The following PARVG variants were observed in gnomAD, a reference collection of about 807,000 sequenced individuals.
PARVG encodes the protein gamma-parvin.
A neutral mutation model predicts 44.4 loss-of-function variants in PARVG; 36 were observed. That is an observed-to-expected ratio of 0.81 (90% CI 0.62 to 1.07). PARVG has a LOEUF of 1.07. Among genes scored for constraint, PARVG ranks in the 50% least tolerant of loss-of-function variants. The probability of loss-of-function intolerance (pLI) is 0.00; values close to 1 mark genes in which losing one functional copy is unlikely to be tolerated. For missense variants in PARVG, 407 were observed against 407.4 expected (o/e 1.00, Z 0.01); for synonymous variants, 170 against 174.1 (o/e 0.98, Z 0.19).
upstream of PARVG, among the ~76,000 whole-genome samples, chr22:44,178,521 C>A (rs995770490): frequency 2.6e-5 from 4 of 152,128 alleles, no homozygotes; most frequent in African/African-American, 7.2e-5. Flanking sequence ...AAATTCAGCA[C>A]GCGACGACAT....
At chr22:44,177,209 C>T (rs554908781), upstream of PARVG, among the ~76,000 whole-genome samples, 17 of 152,280 alleles carry the variant, frequency 1.1e-4, no homozygotes, top group East Asian at 9.6e-4. Flanking sequence ...TTTCTTTAGA[C>T]GCACACATTT....
chr22:44,181,500 G>A, intron 1 of PARVG: 1 of 725,652 alleles, frequency 1.4e-6, no homozygotes, highest in South Asian at 6.2e-5. Context: ...TGGGTTGCGG[G>A]GGTCGACCCC....
chr22:44,181,408 C>T, intron 1 of PARVG: 1 of 985,244 alleles, frequency 1.0e-6, no homozygotes, highest in Non-Finnish European at 1.2e-6. Flanking sequence ...GAGGAAGGGG[C>T]CTGGCCCGGG....
rs555457580 is a variant in PARVG, at chr22:44,189,151, C to T, written c.285C>T (p.Ile95=). 80 of 1,614,128 alleles carry T rather than the reference C, an allele frequency of 5.0e-5. No individual in the cohort carries two copies. In the East Asian group the frequency reaches 1.3e-3, roughly 27 times the overall value. ...LAALKLEAED[I]ALTATSQKHK... ...CGCTCAAGCTGGAAGCAGAGGACATCGCCCTGACAGCCACAAGCCAGAAGC... is the reference window on the plus strand; with the variant it reads ...CGCTCAAGCTGGAAGCAGAGGACATTGCCCTGACAGCCACAAGCCAGAAGC... The change falls in exon 6 of 14, where the codon ATC becomes ATT. Residue 95 remains isoleucine (I), a synonymous_variant. Coordinates refer to ENST00000444313, the MANE Select transcript of PARVG (RefSeq NM_022141.7).
At chr22:44,191,913 A>G (rs1375959835) in intron 7 of PARVG, 136 bp from the exon 8 acceptor site, 1 of 966,022 alleles carries the variant, frequency 1.0e-6, no homozygotes, top group East Asian at 2.5e-5. Context: ...CAACCTCAAG[A>G]CTCCTGGGGA....
At position 44,182,053 on chromosome 22, in the gene PARVG, C is replaced by CTCAAGGTCCCA; in HGVS notation, c.-13+136_-13+137insTCAAGGTCCCA. Reference sequence around the variant, plus strand: ...GGGGAAGGGAGTCGGTAAAGTGGGACCTTGAGTCCCCACGGCCCCTCCGGC... The same window carrying CTCAAGGTCCCA: ...GGGGAAGGGAGTCGGTAAAGTGGGACTCAAGGTCCCACTTGAGTCCCCACGGCCCCTCCGGC... On this transcript the variant is annotated intron_variant, in intron 2 of 13. Transcript: ENST00000444313. The surrounding 1 kb of genome is among the most constrained non-coding windows in gnomAD (Gnocchi z 4.6). 2 of 681,836 alleles carry CTCAAGGTCCCA rather than the reference C, an allele frequency of 2.9e-6. No individual in the cohort carries two copies. The highest frequency in any genetic ancestry group is 3.6e-6 in the Non-Finnish European group (2 of 552,596). The allele number at this position is 681,836 out of a possible 1,614,324, so 42.2% of individuals were successfully genotyped here. A position where few individuals can be genotyped will look rare whatever the true frequency, so the allele number is the denominator to read the frequency against.
chr22:44,183,184 G>C, intron 2 of PARVG, 134 bp from the exon 3 acceptor site: 1 of 743,156 alleles, frequency 1.3e-6, no homozygotes, highest in South Asian at 1.9e-5. Flanking sequence ...CCCCTGCCTA[G>C]GCTGGCATGC....
chr22:44,189,092 C>T (rs748684710), intron 5 of PARVG, 22 bp from the exon 6 acceptor site: 2 of 1,613,728 alleles, frequency 1.2e-6, no homozygotes, highest in East Asian at 2.2e-5. Flanking sequence ...CAGGGGTCCT[C>T]ACCACCCTCT....
chr22:44,174,147 T>C (rs2054296466), intron 1 of PARVG, among the ~76,000 whole-genome samples: 1 of 151,800 alleles, frequency 6.6e-6, no homozygotes, highest in South Asian at 2.1e-4. Flanking sequence ...GAGAAGAGCG[T>C]CCCCTGCCCT....
rs866726693 is a variant in PARVG at position 44,173,176 on chromosome 22, A to G, written c.-204A>G. ...GGGACCACAAGGAGAAGAGGGCAGC[A>G]GAGTCACAGCTGCAGGTGAGTAATA... On this transcript the variant is annotated 5_prime_UTR_variant, in exon 1 of 14. Coordinates refer to the PARVG transcript ENST00000422871. The G allele has an allele frequency of 2.6e-5, 33 of 1,271,216 alleles. No homozygotes were observed. In the Middle Eastern group the frequency reaches 1.1e-3, roughly 42 times the overall value. The allele number at this position is 1,271,216 out of a possible 1,614,324, so 78.7% of individuals were successfully genotyped here. A position where few individuals can be genotyped will look rare whatever the true frequency, so the allele number is the denominator to read the frequency against.
chr22:44,175,933 G>A (rs1327513826), upstream of PARVG, among the ~76,000 whole-genome samples: 3 of 152,310 alleles, frequency 2.0e-5, no homozygotes, highest in African/African-American at 7.2e-5. Context: ...CCTAACAGCC[G>A]GGACATGGTC....
At chr22:44,201,616 G>A (rs970987976) in intron 12 of PARVG, among the ~76,000 whole-genome samples, 16 of 152,136 alleles carry the variant, frequency 1.1e-4, no homozygotes, top group South Asian at 4.1e-4. Flanking sequence ...TCTTCCATTC[G>A]GAGGAGCTGC....
At chr22:44,181,550 G>A in intron 1 of PARVG, 192 bp from the exon 2 acceptor site, 1 of 570,636 alleles carries the variant, frequency 1.8e-6, no homozygotes, top group Non-Finnish European at 2.2e-6. Context: ...GAGGTGAACA[G>A]CCTGCGGGGA....
At chr22:44,185,701 C>T (rs983351864) in intron 3 of PARVG, 107 bp from the exon 4 acceptor site, 10 of 907,046 alleles carry the variant, frequency 1.1e-5, no homozygotes, top group South Asian at 3.0e-5. Context: ...GTGGCAGGAC[C>T]GGTGCCCCTG....
intron 1 of PARVG, 99 bp downstream of exon 1, chr22:44,181,284 G>C (rs1179079613): frequency 1.0e-6 from 1 of 961,450 alleles, no homozygotes; most frequent in Non-Finnish European, 1.2e-6. Context: ...GTGGGGTCAG[G>C]AAGTGACTCA....
intron 9 of PARVG, 88 bp from the exon 10 acceptor site, chr22:44,196,067 T>G: frequency 6.8e-7 from 1 of 1,471,746 alleles, no homozygotes. Flanking sequence ...CTGGTTATTC[T>G]AAGAAACTTT....
At chr22:44,190,457 C>T in intron 6 of PARVG, 94 bp from the exon 7 acceptor site, 2 of 913,378 alleles carry the variant, frequency 2.2e-6, no homozygotes, top group East Asian at 2.4e-5. Context: ...CCTCCTTGGT[C>T]TGCAGATGGT....
chr22:44,204,347 G>T (rs776723546), intron 12 of PARVG, among the ~76,000 whole-genome samples: 2 of 152,172 alleles, frequency 1.3e-5, no homozygotes, highest in African/African-American at 4.8e-5. Context: ...TTCTGTGTCC[G>T]TCATCACATT....
At chr22:44,191,041 A>G (rs540635428) in intron 7 of PARVG, among the ~76,000 whole-genome samples, 15 of 152,272 alleles carry the variant, frequency 9.9e-5, no homozygotes, top group South Asian at 6.2e-4. Flanking sequence ...AGCAAAACCA[A>G]TGCTCTCACC....
Sources: allele counts gnomAD v4.1 joint callset (sites outside exome capture counted in the v4.1 genomes callset), GRCh38; gene constraint gnomAD v4.1.1; non-coding constraint Gnocchi (gnomAD v3.1); transcripts MANE v1.5; gene names NCBI Gene and HGNC (gene_info 2026-07-23, HGNC 2026-07-21).